The following KIRREL1 variants were observed in gnomAD, a reference collection of about 807,000 sequenced individuals.
KIRREL1 encodes kin of IRRE-like protein 1.
In KIRREL1, 25 loss-of-function variants were observed where a neutral mutation model predicts 83.3. The ratio of observed to expected loss-of-function variants is 0.30; its 90% CI spans 0.22 to 0.42. KIRREL1 has a LOEUF of 0.42. Among genes scored for constraint, KIRREL1 ranks in the 10% least tolerant of loss-of-function variants. The pLI is 1.00. For synonymous variants in KIRREL1, 388 were observed against 410.4 expected, an observed-to-expected ratio of 0.95 and a Z score of 0.66; for missense variants, 812 against 1,032.3, an observed-to-expected ratio of 0.79 and a Z score of 2.92.
At chr1:158,070,878 T>G (rs777861441) in intron 1 of KIRREL1, among the ~76,000 whole-genome samples, 18 of 152,142 alleles carry the variant, frequency 1.2e-4, no homozygotes, top group Admixed American at 2.0e-4. Flanking sequence ...AGGGTCCCTC[T>G]GTGCTCCTCT....
chr1:158,033,606 C>T (rs943923410), intron 1 of KIRREL1, among the ~76,000 whole-genome samples: 7 of 152,220 alleles, frequency 4.6e-5, no homozygotes, highest in Non-Finnish European at 8.8e-5. Flanking sequence ...ATCCTTGTCT[C>T]AAAGCCTACT....
At chr1:158,019,480 G>T (rs55712021) in intron 1 of KIRREL1, among the ~76,000 whole-genome samples, 13,850 of 152,054 alleles carry the variant, frequency 0.091, 793 homozygotes, top group South Asian at 0.21. Flanking sequence ...AGGTAGGAGG[G>T]CATGGCTGTT....
intron 1 of KIRREL1, among the ~76,000 whole-genome samples, chr1:158,049,292 A>G (rs7549283): frequency 0.075 from 11,425 of 152,274 alleles, 901 homozygotes; most frequent in African/African-American, 0.2. Flanking sequence ...CACAAGTACT[A>G]TGGGAATTCA....
chr1:158,006,214 C>T (rs1659516517), intron 1 of KIRREL1, among the ~76,000 whole-genome samples: 1 of 152,182 alleles, frequency 6.6e-6, no homozygotes, highest in Admixed American at 6.5e-5. Context: ...TTTGAACCAA[C>T]CCAGAGACAT....
At chr1:158,079,286 C>T (rs1661777519) in intron 3 of KIRREL1, among the ~76,000 whole-genome samples, 1 of 152,086 alleles carries the variant, frequency 6.6e-6, no homozygotes, top group Non-Finnish European at 1.5e-5. Flanking sequence ...AGTTTGGGTA[C>T]AAGGAAGGTT....
intron 1 of KIRREL1, among the ~76,000 whole-genome samples, chr1:158,049,283 A>G (rs1660853622): frequency 6.6e-6 from 1 of 152,244 alleles, no homozygotes; most frequent in East Asian, 1.9e-4. Flanking sequence ...TAGAGGATGC[A>G]CAAGTACTAT....
At chr1:158,071,427 C>T (rs1319842228) in intron 1 of KIRREL1, among the ~76,000 whole-genome samples, 1 of 152,232 alleles carries the variant, frequency 6.6e-6, no homozygotes, top group African/African-American at 2.4e-5. Flanking sequence ...CCTGTCTTCA[C>T]AATGACTGCT....
At chr1:158,059,757 T>G (rs1570962836) in intron 1 of KIRREL1, among the ~76,000 whole-genome samples, 2 of 152,194 alleles carry the variant, frequency 1.3e-5, no homozygotes, top group African/African-American at 4.8e-5. Context: ...GTTTGGCTTA[T>G]TATGTTCTTA....
chr1:158,093,497 C>T, intron 12 of KIRREL1, 51 bp downstream of exon 12: 2 of 1,602,364 alleles, frequency 1.2e-6, no homozygotes, highest in Non-Finnish European at 1.7e-6. Context: ...TCTTCCAGGG[C>T]CATGACAGGC....
intron 1 of KIRREL1, among the ~76,000 whole-genome samples, chr1:158,059,012 G>A (rs1379951288): frequency 6.6e-6 from 1 of 152,178 alleles, no homozygotes; most frequent in African/African-American, 2.4e-5. Flanking sequence ...CTGCTCCTGA[G>A]TTGTGGGGCA....
At chr1:158,004,292 C>T (rs1015588207) in intron 1 of KIRREL1, among the ~76,000 whole-genome samples, 6 of 152,052 alleles carry the variant, frequency 3.9e-5, no homozygotes, top group African/African-American at 1.2e-4. Flanking sequence ...CAGTTTAGTC[C>T]AAGGCAGATC....
intron 1 of KIRREL1, among the ~76,000 whole-genome samples, chr1:158,052,506 G>A (rs536808033): frequency 4.6e-5 from 7 of 152,208 alleles, no homozygotes; most frequent in South Asian, 2.1e-4. Flanking sequence ...TATACAGGGC[G>A]CGGTGGCTCA....
At chr1:158,074,295 G>A (rs555039531) in intron 1 of KIRREL1, among the ~76,000 whole-genome samples, 1 of 152,226 alleles carries the variant, frequency 6.6e-6, no homozygotes, top group South Asian at 2.1e-4. Flanking sequence ...ACCTAAATTT[G>A]CACACTTAAT....
chr1:158,063,200 A>C (rs1661260864), intron 1 of KIRREL1, among the ~76,000 whole-genome samples: 1 of 152,234 alleles, frequency 6.6e-6, no homozygotes, highest in African/African-American at 2.4e-5. Context: ...CCTATGTCCA[A>C]CTTACGAGGC....
intron 1 of KIRREL1, among the ~76,000 whole-genome samples, chr1:158,003,205 G>A (rs940208699): frequency 1.3e-5 from 2 of 152,008 alleles, no homozygotes; most frequent in African/African-American, 4.8e-5. Flanking sequence ...CATTCGATTC[G>A]CTTAACTGGG....
chr1:158,094,932 C>T lies in KIRREL1; in HGVS notation c.2086C>T (p.Pro696Ser), dbSNP rs1234067508. The T allele has an allele frequency of 3.7e-6, 6 of 1,614,110 alleles. No homozygotes were observed. Among genetic ancestry groups the T allele is most frequent in the Non-Finnish European group, 4.2e-6 (5 of 1,180,012 alleles). The change falls in exon 15 of 15, where the codon CCT becomes TCT. Residue 696 changes from proline (P) to serine (S), a missense_variant. Physicochemically the swap from Pro to Ser is moderately conservative, Grantham distance 74. This residue lies in a region of KIRREL1 where 334 missense variants were observed against 383.7 expected (regional missense o/e 0.87). Coordinates refer to ENST00000359209, the MANE Select transcript of KIRREL1 (RefSeq NM_018240.7). The surrounding 1 kb of genome is among the most constrained non-coding windows in gnomAD (Gnocchi z 4.6). ...TGAGAAGTTCAACTCCCATCCCTTC[C>T]CTGGGGCAGCTGGGTACCCCACCTA... Reference protein sequence around the residue: ...NYEKFNSHPFPGAAGYPTYRL... With the variant: ...NYEKFNSHPFSGAAGYPTYRL...
chr1:158,077,296 T>G (rs989964419), intron 2 of KIRREL1, among the ~76,000 whole-genome samples: 2 of 151,894 alleles, frequency 1.3e-5, no homozygotes, highest in Non-Finnish European at 2.9e-5. Context: ...AGAAAGAAAC[T>G]GGGAGAGAGA....
intron 1 of KIRREL1, among the ~76,000 whole-genome samples, chr1:158,050,096 T>A (rs1660873402): frequency 1.3e-5 from 2 of 151,760 alleles, no homozygotes; most frequent in South Asian, 2.1e-4. Context: ...AGGAGAGAGG[T>A]GTGTGTGTGT....
chr1:157,999,729 G>A (rs778727627), intron 1 of KIRREL1, among the ~76,000 whole-genome samples: 42 of 151,780 alleles, frequency 2.8e-4, no homozygotes, highest in Non-Finnish European at 5.3e-4. Context: ...AAGGATGGGG[G>A]TGTGGGGGTG....
Sources: allele counts gnomAD v4.1 joint callset (sites outside exome capture counted in the v4.1 genomes callset), GRCh38; gene constraint gnomAD v4.1.1; regional missense constraint gnomAD v4.1.1; non-coding constraint Gnocchi (gnomAD v3.1); transcripts MANE v1.5; gene names NCBI Gene and HGNC (gene_info 2026-07-23, HGNC 2026-07-21).